Variants in BIVM observed in about 807,000 individuals in gnomAD.
The protein encoded by BIVM is basic, immunoglobulin-like variable motif containing, also known as basic immunoglobulin-like variable motif-containing protein.
BIVM carries 31 observed loss-of-function variants against 61.4 expected under a neutral mutation model. The observed-to-expected ratio is 0.51, with a 90% CI of 0.38 to 0.68. The LOEUF (loss-of-function observed/expected upper bound fraction) is 0.68, where lower values mean the gene tolerates loss of function less well. BIVM is among the 30% of genes least tolerant of loss of function. The pLI, the probability that BIVM is intolerant of heterozygous loss-of-function variation, is 0.00. For synonymous variants in BIVM, 189 were observed against 210.7 expected (o/e 0.90, Z 0.89); for missense variants, 526 against 596.0 (o/e 0.88, Z 1.22).
chr13:102,839,444 G>T, intron 10 of BIVM, 128 bp from the exon 11 acceptor site: 1 of 1,261,124 alleles, frequency 7.9e-7, no homozygotes, highest in Non-Finnish European at 1.1e-6. Context: ...CTCTGATGAT[G>T]CCTGGAAGGA....
At chr13:102,828,883 A>G (rs1880859460) in intron 7 of BIVM, among the ~76,000 whole-genome samples, 1 of 152,142 alleles carries the variant, frequency 6.6e-6, no homozygotes, top group Non-Finnish European at 1.5e-5. Flanking sequence ...ACAAAAAATT[A>G]CCTGGGCATG....
At chr13:102,815,185 G>A (rs1237404008) in intron 3 of BIVM, among the ~76,000 whole-genome samples, 2 of 152,100 alleles carry the variant, frequency 1.3e-5, no homozygotes, top group Admixed American at 6.5e-5. Context: ...CCAGCTGTTC[G>A]TAGGTGTCAA....
intron 9 of BIVM, among the ~76,000 whole-genome samples, chr13:102,835,220 A>T (rs1211953031): frequency 2.0e-5 from 3 of 152,088 alleles, no homozygotes; most frequent in Non-Finnish European, 4.4e-5. Context: ...CTCTACAAAA[A>T]AATTAAAAAA....
intron 1 of BIVM, among the ~76,000 whole-genome samples, chr13:102,804,706 C>T (rs971647651): frequency 1.3e-4 from 19 of 151,528 alleles, no homozygotes; most frequent in South Asian, 2.1e-4. Flanking sequence ...ATGATCCACC[C>T]GCCTCAGCCT....
At chr13:102,808,203 T>A (rs1053921956) in intron 3 of BIVM, among the ~76,000 whole-genome samples, 7 of 152,164 alleles carry the variant, frequency 4.6e-5, no homozygotes, top group Non-Finnish European at 7.4e-5. Context: ...TACCACCAAG[T>A]GGGTTGTGTA....
chr13:102,825,351 G>A (rs1013325312), intron 7 of BIVM, among the ~76,000 whole-genome samples: 2 of 152,176 alleles, frequency 1.3e-5, no homozygotes, highest in African/African-American at 4.8e-5. Flanking sequence ...TCCTACCTCG[G>A]CCTCCCAAAG....
intron 8 of BIVM, among the ~76,000 whole-genome samples, chr13:102,833,327 G>GTTT (rs532303115): frequency 0.02 from 1,608 of 79,592 alleles, 282 homozygotes; most frequent in South Asian, 0.032. Context: ...GATAGGATGG[G>GTTT]TTTTTTTTTT....
At chr13:102,835,372 T>C (rs1052886511) in intron 9 of BIVM, among the ~76,000 whole-genome samples, 5 of 152,144 alleles carry the variant, frequency 3.3e-5, no homozygotes, top group African/African-American at 1.2e-4. Flanking sequence ...GATTTTATTA[T>C]AGTTACAGGG....
In BIVM at chr13:102,807,731, C is replaced by T. The variant is rs753330658; in HGVS notation, c.464C>T (p.Ser155Leu). The T allele has an allele frequency of 5.6e-6, 9 of 1,609,568 alleles. No homozygotes were observed. Among genetic ancestry groups the T allele is most frequent in the Admixed American group, 1.7e-5 (1 of 59,606 alleles). ...KSEFDGVTTN[S>L]KHKSGNAKKQ... Reference sequence around the variant, plus strand: ...GAATTTGATGGGGTGACCACAAATTCGAAACACAAATCAGGTAAGGAGGGA... The same window carrying T: ...GAATTTGATGGGGTGACCACAAATTTGAAACACAAATCAGGTAAGGAGGGA... The change falls in exon 3 of 11, where the codon TCG (serine) becomes TTG (leucine). Residue 155 changes from serine (S) to leucine (L), a missense_variant. This residue lies in a region of BIVM where 312 missense variants were observed against 343.8 expected (regional missense o/e 0.91). Transcript: ENST00000257336. The surrounding 1 kb of genome is among the most constrained non-coding windows in gnomAD (Gnocchi z 4.0).
chr13:102,831,441 C>A, intron 7 of BIVM, 124 bp from the exon 8 acceptor site: 1 of 1,408,528 alleles, frequency 7.1e-7, no homozygotes, highest in Non-Finnish European at 9.5e-7. Flanking sequence ...TTGTTTTTCC[C>A]CAGCAGTGTC....
chr13:102,807,277 G>A lies in BIVM; in HGVS notation c.10G>A (p.Val4Ile), dbSNP rs751512006. The A allele has an allele frequency of 3.7e-6, 6 of 1,605,142 alleles. No individual in the cohort carries two copies. In the Admixed American group the frequency reaches 5.0e-5, roughly 13 times the overall value. Reference protein sequence around the residue: MPNVAETERSNDSG... With the variant: MPNIAETERSNDSG... ...TTTTACACTGCATTCAATGCCTAAC[G>A]TTGCAGAAACAGAAAGGTCAAATGA... Residue 4 changes from valine to isoleucine, a missense_variant, in exon 3 of 11, where the codon GTT becomes ATT. Around this residue, in one of 3 missense-constraint regions of BIVM, gnomAD observed 312 missense variants for 343.8 expected, o/e 0.91. Coordinates refer to ENST00000257336, the MANE Select transcript of BIVM (RefSeq NM_017693.4). This position sits in a 1 kb window ranked among gnomAD's most constrained non-coding sequence, Gnocchi z 4.0.
At chr13:102,806,408 C>G (rs1228733499) in intron 2 of BIVM, among the ~76,000 whole-genome samples, 2 of 152,022 alleles carry the variant, frequency 1.3e-5, no homozygotes, top group African/African-American at 4.8e-5. Flanking sequence ...TGCCACCATG[C>G]CTGGCTAATT....
chr13:102,801,966 G>C (rs545482378), intron 1 of BIVM, among the ~76,000 whole-genome samples: 1 of 152,174 alleles, frequency 6.6e-6, no homozygotes, highest in African/African-American at 2.4e-5. Context: ...TGGAGCTTGG[G>C]GGGTGGGGGA....
chr13:102,805,844 T>A (rs556224192), intron 2 of BIVM, among the ~76,000 whole-genome samples: 1 of 152,268 alleles, frequency 6.6e-6, no homozygotes, highest in African/African-American at 2.4e-5. Context: ...ACTTCATTTC[T>A]TTTTATTGCC....
chr13:102,828,096 G>T (rs1880800803), intron 7 of BIVM, among the ~76,000 whole-genome samples: 1 of 152,206 alleles, frequency 6.6e-6, no homozygotes, highest in African/African-American at 2.4e-5. Flanking sequence ...ACTCCCCGGT[G>T]CTTATGTCCA....
In BIVM at chr13:102,807,684, C is replaced by T. The variant is rs1446466918; in HGVS notation, c.417C>T (p.Leu139=). The change falls in exon 3 of 11, where the codon CTC becomes CTT. Residue 139 remains leucine (L), a synonymous_variant. Transcript: ENST00000257336. This position sits in a 1 kb window ranked among gnomAD's most constrained non-coding sequence, Gnocchi z 4.0. ...CCAACAGCCTGGGCAAGCTACCTCTCGCATGGGAAATTGATAAATCTGAAT... is the reference window on the plus strand; with the variant it reads ...CCAACAGCCTGGGCAAGCTACCTCTTGCATGGGAAATTGATAAATCTGAAT... The part of the protein sequence containing the change: ...NLSNSLGKLP[L]AWEIDKSEFD... The T allele has an allele frequency of 1.2e-5, 19 of 1,614,006 alleles. No homozygotes were observed. The highest frequency in any genetic ancestry group is 6.7e-5 in the East Asian group (3 of 44,890).
At chr13:102,802,079 T>C (rs74109615) in intron 1 of BIVM, among the ~76,000 whole-genome samples, 6,084 of 152,274 alleles carry the variant, frequency 0.04, 251 homozygotes, top group East Asian at 0.099. Flanking sequence ...TGTGATCATA[T>C]ATATGTAGCA....
intron 3 of BIVM, among the ~76,000 whole-genome samples, chr13:102,814,443 G>A (rs1360667718): frequency 6.6e-6 from 1 of 152,150 alleles, no homozygotes; most frequent in Non-Finnish European, 1.5e-5. Context: ...AGGGGGCAAG[G>A]TCATGGAACC....
At chr13:102,815,848 C>T (rs756314868) in intron 3 of BIVM, among the ~76,000 whole-genome samples, 32 of 152,202 alleles carry the variant, frequency 2.1e-4, no homozygotes, top group Non-Finnish European at 4.3e-4. Flanking sequence ...AGTTTCTGTG[C>T]TAGAGTTGCA....
Sources: allele counts gnomAD v4.1 joint callset (sites outside exome capture counted in the v4.1 genomes callset), GRCh38; gene constraint gnomAD v4.1.1; regional missense constraint gnomAD v4.1.1; non-coding constraint Gnocchi (gnomAD v3.1); transcripts MANE v1.5; gene names NCBI Gene and HGNC (gene_info 2026-07-23, HGNC 2026-07-21).